IRAG2: variants seen among roughly 807,000 people sequenced by gnomAD.
The protein encoded by IRAG2 is lymphoid restricted membrane protein.
IRAG2 carries 45 observed loss-of-function variants against 69.9 expected under a neutral mutation model. The observed-to-expected ratio is 0.64, with a 90% CI of 0.51 to 0.83. The LOEUF (loss-of-function observed/expected upper bound fraction) is 0.83. IRAG2 is among the 40% of genes least tolerant of loss of function. IRAG2 has a pLI of 0.00. For synonymous variants in IRAG2, 193 were observed against 202.4 expected, an observed-to-expected ratio of 0.95 and a Z score of 0.40; for missense variants, 520 against 587.0, an observed-to-expected ratio of 0.89 and a Z score of 1.18.
chr12:25,079,527 T>G, intron 8 of IRAG2, 65 bp downstream of exon 8: 1 of 1,456,038 alleles, frequency 6.9e-7, no homozygotes. Context: ...CCTGATGTTC[T>G]GTGACCTGCT....
Position 25,083,415 on chromosome 12 carries a change from T to A in IRAG2, c.245-8T>A. On this transcript the variant is annotated splice_region_variant and splice_polypyrimidine_tract_variant and intron_variant, in intron 9 of 21. Coordinates refer to ENST00000556887, the MANE Select transcript of IRAG2 (RefSeq NM_001366544.2). Reference sequence around the variant, plus strand: ...CTAACTGCTTTGTGTGTTTCCTGTTTCTCACAGGCACAAGTCCAGCTCATG... The same window carrying A: ...CTAACTGCTTTGTGTGTTTCCTGTTACTCACAGGCACAAGTCCAGCTCATG... The A allele has an allele frequency of 6.2e-7, 1 of 1,600,564 alleles. No homozygotes were observed. Among genetic ancestry groups the A allele is most frequent in the Non-Finnish European group, 8.6e-7 (1 of 1,167,788 alleles).
rs149698801 is a variant in IRAG2, at chr12:25,066,943, C to A, written c.-59+431C>A. The stretch of plus-strand genomic sequence containing the variant: ...GGGATTACAGGTGTGAGCCACCACG[C>A]CCAGCCGAAAATTTACAATTTTGAG... On this transcript the variant is annotated intron_variant, in intron 5 of 21. Coordinates refer to ENST00000556887, the MANE Select transcript of IRAG2 (RefSeq NM_001366544.2). Among the ~76,000 whole-genome samples, 21 of 152,196 alleles carry A rather than the reference C, an allele frequency of 1.4e-4. No homozygotes were observed. The East Asian group carries it at 4.1e-3, about 29-fold the overall frequency.
At chr12:25,051,791 CAA>C (rs1944878971), upstream of IRAG2, among the ~76,000 whole-genome samples, 1 of 152,184 alleles carries the variant, frequency 6.6e-6, no homozygotes, top group South Asian at 2.1e-4. Context: ...GGTCATGAAA[CAA>C]AGCTCTCTTT....
At chr12:25,076,662 G>T (rs1302403010) in intron 6 of IRAG2, 2 of 963,126 alleles carry the variant, frequency 2.1e-6, no homozygotes, top group Non-Finnish European at 1.2e-6. Context: ...AGGCTTTTCT[G>T]ACAAGTGTGT....
At chr12:25,017,458 C>G (rs1323021008) in intron 6 of IRAG2, among the ~76,000 whole-genome samples, 1 of 152,092 alleles carries the variant, frequency 6.6e-6, no homozygotes, top group Non-Finnish European at 1.5e-5. Context: ...TGACTCATGC[C>G]TGTAATCCCA....
intron 6 of IRAG2, among the ~76,000 whole-genome samples, chr12:25,073,791 G>A (rs753472742): frequency 1.3e-5 from 2 of 152,190 alleles, no homozygotes; most frequent in African/African-American, 4.8e-5. Flanking sequence ...ATCTTTTGGA[G>A]ATTCATTCTG....
At chr12:25,032,183 A>G (rs900021916) in exon 11 of IRAG2, 7 of 398,918 alleles carry the variant, frequency 1.8e-5, no homozygotes, top group Non-Finnish European at 3.1e-5. Context: ...CCATCATAGA[A>G]TATGGAAGCA....
chr12:25,022,185 T>C (rs571258007), intron 7 of IRAG2, among the ~76,000 whole-genome samples: 8 of 152,350 alleles, frequency 5.3e-5, no homozygotes, highest in African/African-American at 1.9e-4. Context: ...ATGTCCTTTC[T>C]TTCCTGTTAG....
chr12:25,059,358 T>A (rs180966375), intron 1 of IRAG2, among the ~76,000 whole-genome samples: 44 of 152,272 alleles, frequency 2.9e-4, no homozygotes, highest in Non-Finnish European at 4.0e-4. Flanking sequence ...ATACTTATTT[T>A]TTTTTCCCCT....
At chr12:25,054,434 T>G (rs1238359778) in intron 1 of IRAG2, among the ~76,000 whole-genome samples, 1 of 152,226 alleles carries the variant, frequency 6.6e-6, no homozygotes, top group Non-Finnish European at 1.5e-5. Flanking sequence ...TACTAAGAAT[T>G]TGTTCCCCTT....
upstream of IRAG2, chr12:25,052,452 A>G (rs1944905161): frequency 2.5e-6 from 1 of 397,298 alleles, no homozygotes; most frequent in Admixed American, 4.4e-5. Context: ...CAAACAAAAA[A>G]AAAAAGCAAA....
At chr12:25,031,669 T>G (rs1160253656) in intron 10 of IRAG2, among the ~76,000 whole-genome samples, 2 of 152,160 alleles carry the variant, frequency 1.3e-5, no homozygotes, top group Non-Finnish European at 2.9e-5. Context: ...TGTTTGTTTT[T>G]GTTTTGTTTT....
chr12:25,072,644 G>A (rs749946581), intron 6 of IRAG2, among the ~76,000 whole-genome samples: 9 of 152,108 alleles, frequency 5.9e-5, no homozygotes, highest in Non-Finnish European at 1.3e-4. Context: ...CATCCCAGTG[G>A]ACACCCCAGA....
chr12:25,000,987 G>A (rs1944387798), upstream of IRAG2, among the ~76,000 whole-genome samples: 1 of 152,186 alleles, frequency 6.6e-6, no homozygotes, highest in African/African-American at 2.4e-5. Context: ...GAAGAGACAG[G>A]AGATATTTCC....
At chr12:25,074,459 TG>T (rs1369349962) in intron 6 of IRAG2, among the ~76,000 whole-genome samples, 6 of 152,192 alleles carry the variant, frequency 3.9e-5, no homozygotes, top group Admixed American at 1.3e-4. Context: ...CGAGAAATTG[TG>T]GGGCCAAGAA....
rs1944659235 is a variant in IRAG2, at chr12:25,030,332, A to T, written c.1516A>T (p.Lys506Ter). 2.0e-5 allele frequency: 25 copies of T among 1,231,410 alleles called. No individual in the cohort carries two copies. The highest frequency in any genetic ancestry group is 2.5e-5 in the Non-Finnish European group (25 of 987,822). 76.3% of individuals were successfully genotyped at this position (1,231,410 alleles called of 1,614,324 possible). A position where few individuals can be genotyped will look rare whatever the true frequency, so the allele number is the denominator to read the frequency against. The change falls in exon 10 of 39, where the codon AAG (lysine) becomes TAG (stop). Residue 506 changes from lysine to a stop codon, truncating the protein, a stop_gained and splice_region_variant. Transcript: ENST00000636465. LOFTEE classifies it high-confidence loss of function. ...GCTTAATAAAGATACAAGTTTGCAG[A>T]AGGTTGGTATTGTTCCTTACCACAA...
intron 20 of IRAG2, among the ~76,000 whole-genome samples, chr12:25,105,454 G>A (rs578243439): frequency 9.9e-5 from 15 of 152,046 alleles, no homozygotes; most frequent in East Asian, 5.8e-4. Flanking sequence ...ATACATTTTC[G>A]TGAGTGCCTA....
At chr12:25,076,261 A>C (rs1946683665) in intron 6 of IRAG2, 1 of 225,424 alleles carries the variant, frequency 4.4e-6, no homozygotes, top group South Asian at 1.6e-4. Flanking sequence ...CTACTGTTCC[A>C]CAACAAGGTA....
chr12:25,021,192 C>T (rs1169746383), intron 7 of IRAG2: 1 of 202,694 alleles, frequency 4.9e-6, no homozygotes, highest in Non-Finnish European at 9.8e-6. Context: ...CCAGCCTCGA[C>T]CTCCCAGGCT....
Sources: allele counts gnomAD v4.1 joint callset (sites outside exome capture counted in the v4.1 genomes callset), GRCh38; gene constraint gnomAD v4.1.1; transcripts MANE v1.5; gene names NCBI Gene and HGNC (gene_info 2026-07-23, HGNC 2026-07-21).